Variants in IRF2 observed in about 807,000 individuals in gnomAD.
The protein encoded by IRF2 is interferon regulatory factor 2.
Under a neutral mutation model 40.6 loss-of-function variants are expected in IRF2, and 15 were observed. That is an observed-to-expected ratio of 0.37 (90% CI 0.25 to 0.57). The LOEUF (loss-of-function observed/expected upper bound fraction) is 0.57. Among genes scored for constraint, IRF2 ranks in the 20% least tolerant of loss-of-function variants. IRF2 has a pLI of 0.77. For missense variants in IRF2, 317 were observed against 455.7 expected, an observed-to-expected ratio of 0.70 and a Z score of 2.77; for synonymous variants, 151 against 165.5, an observed-to-expected ratio of 0.91 and a Z score of 0.67.
chr4:184,451,929 TG>T (rs1561123089), intron 1 of IRF2, among the ~76,000 whole-genome samples: 1 of 152,250 alleles, frequency 6.6e-6, no homozygotes, highest in Non-Finnish European at 1.5e-5. Context: ...AGCAGCTGTC[TG>T]GGACTCTTCC....
In IRF2 at chr4:184,413,811, C is replaced by T. The variant is rs1227889436; in HGVS notation, c.411+4356G>A. On this transcript the variant is annotated intron_variant, in intron 5 of 8. Coordinates refer to ENST00000393593, the MANE Select transcript of IRF2 (RefSeq NM_002199.4). The surrounding 1 kb of genome is among the most constrained non-coding windows in gnomAD (Gnocchi z 4.2). Reference sequence around the variant, plus strand: ...GAAGCAGGAAGTACCCATTTCTATTCGCCCCACCTACATGCCTGTATTTCC... The same window carrying T: ...GAAGCAGGAAGTACCCATTTCTATTTGCCCCACCTACATGCCTGTATTTCC... Among the ~76,000 whole-genome samples, 1 of 152,200 alleles carries T rather than the reference C, an allele frequency of 6.6e-6. No individual in the cohort carries two copies. Among genetic ancestry groups the T allele is most frequent in the African/African-American group, 2.4e-5 (1 of 41,456 alleles).
intron 1 of IRF2, among the ~76,000 whole-genome samples, chr4:184,450,658 TATAAA>T (rs2149912832): frequency 6.6e-6 from 1 of 152,318 alleles, no homozygotes; most frequent in East Asian, 1.9e-4. Context: ...ATAAAATACT[TATAAA>T]ATAAGAAAAG....
chr4:184,439,979 C>A (rs1420337327), intron 1 of IRF2, among the ~76,000 whole-genome samples: 1 of 152,250 alleles, frequency 6.6e-6, no homozygotes, highest in Non-Finnish European at 1.5e-5. Context: ...CTTAAAAATA[C>A]ATGCAGTGTG....
intron 7 of IRF2, among the ~76,000 whole-genome samples, chr4:184,397,124 C>T (rs1561083576): frequency 1.3e-5 from 2 of 152,232 alleles, no homozygotes; most frequent in South Asian, 2.1e-4. Context: ...CGAAGACAAG[C>T]TTATCCTGTT....
chr4:184,397,518 A>T (rs1296862499), intron 7 of IRF2, among the ~76,000 whole-genome samples: 1 of 151,670 alleles, frequency 6.6e-6, no homozygotes, highest in Non-Finnish European at 1.5e-5. Context: ...ATTTTACCAC[A>T]ATTTTTAAAA....
chr4:184,443,164 G>T (rs1738377946), intron 1 of IRF2, among the ~76,000 whole-genome samples: 1 of 152,154 alleles, frequency 6.6e-6, no homozygotes, highest in South Asian at 2.1e-4. Flanking sequence ...GACCTCAGCT[G>T]ATCCACCCAC....
At position 184,407,817 on chromosome 4, in the gene IRF2, C is replaced by T. The variant is rs184920174; in HGVS notation, c.529+341G>A. On this transcript the variant is annotated intron_variant, in intron 6 of 8. Transcript: ENST00000393593. ...TGAGAGGACTCGCGAGGACCATCTTCCCTCTCCTTGGTTCCCGAGTTAAAT... is the reference window on the plus strand; with the variant it reads ...TGAGAGGACTCGCGAGGACCATCTTTCCTCTCCTTGGTTCCCGAGTTAAAT... 2.0e-5 allele frequency among the ~76,000 whole-genome samples: 3 copies of T among 152,322 alleles called. No homozygotes were observed. The East Asian group carries it at 5.8e-4, about 29-fold the overall frequency.
chr4:184,437,289 C>G (rs1738116857), intron 1 of IRF2, among the ~76,000 whole-genome samples: 1 of 152,182 alleles, frequency 6.6e-6, no homozygotes, highest in African/African-American at 2.4e-5. Context: ...AACTCTTGAC[C>G]TGATGATCCA....
At chr4:184,409,826 G>C (rs548869934) in intron 5 of IRF2, among the ~76,000 whole-genome samples, 1 of 151,612 alleles carries the variant, frequency 6.6e-6, no homozygotes, top group Admixed American at 6.6e-5. Context: ...GAGCCCGGGA[G>C]TTCAAGGATG....
chr4:184,402,932 T>C (rs1736719208), intron 6 of IRF2, among the ~76,000 whole-genome samples: 2 of 152,198 alleles, frequency 1.3e-5, no homozygotes, highest in Non-Finnish European at 2.9e-5. Flanking sequence ...TCACTTAATA[T>C]ACATGACTTG....
At chr4:184,440,049 A>G (rs1204475947) in intron 1 of IRF2, among the ~76,000 whole-genome samples, 2 of 152,254 alleles carry the variant, frequency 1.3e-5, no homozygotes, top group Non-Finnish European at 2.9e-5. Flanking sequence ...CTCAAAGGGC[A>G]GTTCCCTAGG....
chr4:184,462,199 T>G (rs1739172035), intron 1 of IRF2, among the ~76,000 whole-genome samples: 2 of 152,196 alleles, frequency 1.3e-5, no homozygotes, highest in South Asian at 4.1e-4. Flanking sequence ...TAATCTACAG[T>G]GTTTTCATTG....
chr4:184,464,831 TTGTC>T (rs914704794), intron 1 of IRF2, among the ~76,000 whole-genome samples: 3 of 152,218 alleles, frequency 2.0e-5, no homozygotes, highest in Non-Finnish European at 4.4e-5. Flanking sequence ...GCTAAGGTGT[TTGTC>T]TGTTTGGTTT....
Position 184,446,467 on chromosome 4 carries a change from G to A in IRF2, c.-6-17397C>T, listed in dbSNP as rs114687335. On this transcript the variant is annotated intron_variant, in intron 1 of 8. Coordinates refer to ENST00000393593, the MANE Select transcript of IRF2 (RefSeq NM_002199.4). ...AGAACAGGGAGGTGAGGAGGGCATC[G>A]TCATTGTGGTGGGGCAACCGTGGGG... Among the ~76,000 whole-genome samples the A allele has an allele frequency of 2.7e-3, 413 of 152,296 alleles. 2 individuals are homozygous for A. Among genetic ancestry groups the A allele is most frequent in the African/African-American group, 9.1e-3 (378 of 41,546 alleles).
intron 1 of IRF2, among the ~76,000 whole-genome samples, chr4:184,461,800 T>C (rs1327688430): frequency 6.6e-6 from 1 of 151,540 alleles, no homozygotes; most frequent in Non-Finnish European, 1.5e-5. Flanking sequence ...TCCTCTCCTG[T>C]AACATTTTCA....
intron 8 of IRF2, among the ~76,000 whole-genome samples, 156 bp from the exon 9 acceptor site, chr4:184,389,222 C>A (rs1225536584): frequency 6.6e-6 from 1 of 152,110 alleles, no homozygotes; most frequent in East Asian, 1.9e-4. Context: ...GAGTTTGAGA[C>A]CAGCCTGGGC....
intron 7 of IRF2, 94 bp downstream of exon 7, chr4:184,398,821 G>A (rs1736563457): frequency 8.9e-7 from 1 of 1,125,424 alleles, no homozygotes; most frequent in Non-Finnish European, 1.2e-6. Flanking sequence ...GGACAGAGGA[G>A]GGATGCTCCG....
intron 1 of IRF2, among the ~76,000 whole-genome samples, chr4:184,455,943 G>C (rs1432762334): frequency 6.6e-6 from 1 of 152,184 alleles, no homozygotes; most frequent in African/African-American, 2.4e-5. Context: ...ATGAAGACAT[G>C]ATCTCTGGCC....
At chr4:184,447,794 A>C (rs1738567484) in intron 1 of IRF2, among the ~76,000 whole-genome samples, 1 of 152,244 alleles carries the variant, frequency 6.6e-6, no homozygotes. Flanking sequence ...TTGCCTTGTC[A>C]TTGTCAAAAG....
Sources: allele counts gnomAD v4.1 joint callset (sites outside exome capture counted in the v4.1 genomes callset), GRCh38; gene constraint gnomAD v4.1.1; non-coding constraint Gnocchi (gnomAD v3.1); transcripts MANE v1.5; gene names NCBI Gene and HGNC (gene_info 2026-07-23, HGNC 2026-07-21).